Variants in ROBO2 observed in about 807,000 individuals in gnomAD.
ROBO2 encodes roundabout guidance receptor 2.
ROBO2 carries 53 observed loss-of-function variants against 160.8 expected under a neutral mutation model. The ratio of observed to expected loss-of-function variants is 0.33; its 90% CI spans 0.26 to 0.41. The LOEUF (loss-of-function observed/expected upper bound fraction) is 0.41, where lower values mean the gene tolerates loss of function less well. Ranked by LOEUF, ROBO2 falls within the 10% of genes least tolerant of loss-of-function variation. ROBO2 has a pLI of 1.00. For synonymous variants in ROBO2, 664 were observed against 611.7 expected, an observed-to-expected ratio of 1.09 and a Z score of -1.26; for missense variants, 1,577 against 1,722.4, an observed-to-expected ratio of 0.92 and a Z score of 1.49.
chr3:76,750,509 C>A (rs2093966068), intron 2 of ROBO2, among the ~76,000 whole-genome samples: 1 of 152,108 alleles, frequency 6.6e-6, no homozygotes, highest in African/African-American at 2.4e-5. Flanking sequence ...GTCAAATTGT[C>A]CCTGTTTGCA....
intron 2 of ROBO2, among the ~76,000 whole-genome samples, chr3:77,223,713 C>G (rs76599017): frequency 1.1e-3 from 172 of 152,112 alleles, no homozygotes; most frequent in African/African-American, 3.9e-3. Flanking sequence ...AGAAAAATCA[C>G]TTTTGAAATC....
At chr3:76,463,585 C>G (rs905640317) in intron 2 of ROBO2, among the ~76,000 whole-genome samples, 7 of 151,924 alleles carry the variant, frequency 4.6e-5, no homozygotes, top group Non-Finnish European at 7.4e-5. Flanking sequence ...CCTTAGTTGT[C>G]TTTTTATTTA....
At chr3:76,040,234 A>T (rs1214102626) in intron 2 of ROBO2, among the ~76,000 whole-genome samples, 2 of 151,988 alleles carry the variant, frequency 1.3e-5, no homozygotes, top group Admixed American at 6.5e-5. Flanking sequence ...AATATTTTTA[A>T]ATTTATTTAT....
intron 2 of ROBO2, among the ~76,000 whole-genome samples, chr3:76,905,066 A>G (rs1233712385): frequency 1.3e-5 from 2 of 152,212 alleles, no homozygotes; most frequent in African/African-American, 4.8e-5. Context: ...TATTACTGGA[A>G]GAATGACTTT....
In ROBO2 at chr3:77,433,622, A is replaced by G. The variant is rs375342243; in HGVS notation, c.389-43792A>G. On this transcript the variant is annotated intron_variant, in intron 2 of 25. Transcript: ENST00000461745. ...TTTCTCCCTAGACAATCACATGAAC[A>G]TCACAGCTTCAAGTGCCTTCCCTAA... is the stretch of plus-strand genomic sequence containing the variant. Among the ~76,000 whole-genome samples, 329 of 151,456 alleles carry G rather than the reference A, an allele frequency of 2.2e-3. 1 individual carries two copies. Among genetic ancestry groups the G allele is most frequent in the African/African-American group, 7.6e-3 (316 of 41,310 alleles).
At chr3:77,225,251 T>TA in intron 2 of ROBO2, among the ~76,000 whole-genome samples, 1 of 152,028 alleles carries the variant, frequency 6.6e-6, no homozygotes, top group African/African-American at 2.4e-5. Context: ...AAGTGGGAGA[T>TA]AAAAAATAAT....
At chr3:77,160,664 A>G (rs139253999) in intron 2 of ROBO2, among the ~76,000 whole-genome samples, 10 of 152,300 alleles carry the variant, frequency 6.6e-5, no homozygotes, top group East Asian at 3.9e-4. Context: ...GGGACACACC[A>G]TGCAGTTTAG....
At chr3:76,188,549 C>T (rs958796956) in intron 2 of ROBO2, among the ~76,000 whole-genome samples, 2 of 152,078 alleles carry the variant, frequency 1.3e-5, no homozygotes, top group African/African-American at 4.8e-5. Flanking sequence ...AACTTCTACC[C>T]TCTAGAGTTG....
At chr3:76,329,100 C>T (rs1034455648) in intron 2 of ROBO2, among the ~76,000 whole-genome samples, 1 of 151,968 alleles carries the variant, frequency 6.6e-6, no homozygotes, top group Non-Finnish European at 1.5e-5. Flanking sequence ...GCACACTCAG[C>T]GCAGGAAGCA....
chr3:76,638,747 C>T (rs538671852), intron 2 of ROBO2, among the ~76,000 whole-genome samples: 1 of 152,212 alleles, frequency 6.6e-6, no homozygotes, highest in African/African-American at 2.4e-5. Context: ...CTGCTATCAT[C>T]TTTTAACAGG....
intron 2 of ROBO2, among the ~76,000 whole-genome samples, chr3:77,231,421 G>A (rs992633504): frequency 2.2e-5 from 3 of 137,880 alleles, no homozygotes; most frequent in Non-Finnish European, 4.7e-5. Context: ...TAAAATAAAA[G>A]CCTCATATTA....
intron 2 of ROBO2, among the ~76,000 whole-genome samples, chr3:76,429,953 A>C (rs1369663207): frequency 1.3e-5 from 2 of 152,128 alleles, no homozygotes; most frequent in Non-Finnish European, 2.9e-5. Context: ...AGGAACAAAC[A>C]GCATAGACAG....
intron 2 of ROBO2, among the ~76,000 whole-genome samples, chr3:76,787,669 G>C (rs1273675805): frequency 6.6e-6 from 1 of 151,394 alleles, no homozygotes; most frequent in African/African-American, 2.4e-5. Context: ...TCTTGGAAGT[G>C]ACAAAGTTGT....
intron 1 of ROBO2, among the ~76,000 whole-genome samples, chr3:75,936,127 G>A (rs1381849283): frequency 8.5e-5 from 13 of 152,186 alleles, no homozygotes; most frequent in Non-Finnish European, 1.9e-4. Context: ...ACTTAGAAAT[G>A]TCATTGTAAC....
At chr3:76,791,792 A>G (rs887311689) in intron 2 of ROBO2, among the ~76,000 whole-genome samples, 2 of 151,780 alleles carry the variant, frequency 1.3e-5, no homozygotes, top group African/African-American at 4.8e-5. Context: ...CACAGATTCA[A>G]CCAACCATGG....
chr3:76,910,731 A>G (rs1260757194), intron 2 of ROBO2, among the ~76,000 whole-genome samples: 1 of 146,470 alleles, frequency 6.8e-6, no homozygotes, highest in Non-Finnish European at 1.5e-5. Context: ...GTCTCAAAAA[A>G]AAAAAAAAAA....
At chr3:77,492,377 A>G (rs574467884) in intron 4 of ROBO2, among the ~76,000 whole-genome samples, 26 of 152,194 alleles carry the variant, frequency 1.7e-4, no homozygotes, top group Non-Finnish European at 3.2e-4. Context: ...CTCAGAGGCT[A>G]AGAATCTTAT....
chr3:77,391,284 T>C (rs1436138253), intron 2 of ROBO2, among the ~76,000 whole-genome samples: 1 of 152,130 alleles, frequency 6.6e-6, no homozygotes, highest in Non-Finnish European at 1.5e-5. Context: ...TAGTATAATT[T>C]ATAAACATCA....
intron 5 of ROBO2, 106 bp downstream of exon 5, chr3:77,493,488 C>A: frequency 8.0e-7 from 1 of 1,249,748 alleles, no homozygotes; most frequent in African/African-American, 1.5e-5. Context: ...TCTTGGGGTA[C>A]TTTCACTCAT....
Sources: allele counts gnomAD v4.1 joint callset (sites outside exome capture counted in the v4.1 genomes callset), GRCh38; gene constraint gnomAD v4.1.1; transcripts MANE v1.5; gene names NCBI Gene and HGNC (gene_info 2026-07-23, HGNC 2026-07-21).